PTPRT: variants seen among roughly 807,000 people sequenced by gnomAD.
PTPRT encodes receptor-type tyrosine-protein phosphatase T.
Under a neutral mutation model 176.8 loss-of-function variants are expected in PTPRT, and 56 were observed. The ratio of observed to expected loss-of-function variants is 0.32; its 90% CI spans 0.26 to 0.40. The LOEUF is 0.40. PTPRT is among the 10% of genes least tolerant of loss of function. PTPRT has a pLI of 1.00. For missense variants in PTPRT, 1,540 were observed against 1,908.2 expected, an observed-to-expected ratio of 0.81 and a Z score of 3.60; for synonymous variants, 783 against 739.0, an observed-to-expected ratio of 1.06 and a Z score of -0.96.
At chr20:42,249,148 G>T (rs2056507024) in intron 13 of PTPRT, among the ~76,000 whole-genome samples, 1 of 151,830 alleles carries the variant, frequency 6.6e-6, no homozygotes, top group African/African-American at 2.4e-5. Context: ...CTCTCATATT[G>T]CTTTGTCTCT....
chr20:42,379,561 C>T (rs776346670), intron 9 of PTPRT, among the ~76,000 whole-genome samples: 16 of 152,346 alleles, frequency 1.1e-4, no homozygotes, highest in Non-Finnish European at 1.5e-4. Flanking sequence ...TGGAGGGCAG[C>T]AGGAGCTCGG....
chr20:42,967,214 C>T (rs1982348079), intron 1 of PTPRT, among the ~76,000 whole-genome samples: 1 of 152,168 alleles, frequency 6.6e-6, no homozygotes, highest in Non-Finnish European at 1.5e-5. Context: ...GAAGATAAGT[C>T]CATCTCCTAA....
At chr20:43,163,499 G>A (rs570815586) in intron 1 of PTPRT, among the ~76,000 whole-genome samples, 12 of 152,190 alleles carry the variant, frequency 7.9e-5, no homozygotes, top group Middle Eastern at 3.4e-3. Flanking sequence ...TTAGCCAGGC[G>A]TGGTGGTGGG....
At chr20:42,488,819 C>G (rs1019210576) in intron 7 of PTPRT, among the ~76,000 whole-genome samples, 8 of 151,946 alleles carry the variant, frequency 5.3e-5, no homozygotes, top group Non-Finnish European at 5.9e-5. Context: ...ACAAAATTAG[C>G]CGGACATGGT....
chr20:42,166,391 G>T (rs1169629054), intron 16 of PTPRT, among the ~76,000 whole-genome samples: 1 of 152,094 alleles, frequency 6.6e-6, no homozygotes, highest in African/African-American at 2.4e-5. Flanking sequence ...CTGAGGAAAT[G>T]AATGTTTAAT....
At chr20:42,058,981 G>A in the PTPRT span, among the ~76,000 whole-genome samples, 71 of 152,270 alleles carry the variant, frequency 4.7e-4, no homozygotes, top group African/African-American at 1.7e-3. Context: ...AATCACCTGG[G>A]GAGGGGTTAA....
At chr20:42,196,967 C>T (rs1023242461) in intron 16 of PTPRT, among the ~76,000 whole-genome samples, 9 of 152,034 alleles carry the variant, frequency 5.9e-5, no homozygotes, top group South Asian at 2.1e-4. Flanking sequence ...AAGGGAAGTA[C>T]GTCATATCAG....
intron 1 of PTPRT, among the ~76,000 whole-genome samples, chr20:43,185,452 G>A (rs912911631): frequency 3.3e-5 from 5 of 152,198 alleles, no homozygotes; most frequent in Non-Finnish European, 5.9e-5. Flanking sequence ...GTTGTGTCCT[G>A]ACGCAATATG....
chr20:42,852,461 T>C (rs2078491322), intron 2 of PTPRT, among the ~76,000 whole-genome samples: 1 of 152,194 alleles, frequency 6.6e-6, no homozygotes, highest in South Asian at 2.1e-4. Flanking sequence ...GCTAATTTTT[T>C]TTTAGAAATT....
At chr20:42,571,156 G>C (rs771671088) in intron 7 of PTPRT, among the ~76,000 whole-genome samples, 1 of 152,190 alleles carries the variant, frequency 6.6e-6, no homozygotes, top group African/African-American at 2.4e-5. Flanking sequence ...AAAGTATTAC[G>C]CTTTGCATAA....
At chr20:43,047,812 C>A (rs184193001) in intron 1 of PTPRT, among the ~76,000 whole-genome samples, 1 of 152,154 alleles carries the variant, frequency 6.6e-6, no homozygotes, top group Admixed American at 6.5e-5. Flanking sequence ...CCCCACAGAA[C>A]TCCATAAAAT....
intron 7 of PTPRT, among the ~76,000 whole-genome samples, chr20:42,532,691 C>A (rs1475545248): frequency 6.6e-6 from 1 of 152,116 alleles, no homozygotes; most frequent in Non-Finnish European, 1.5e-5. Context: ...TAAAGAGGCC[C>A]TGAGGAAGTG....
At chr20:42,395,775 T>C (rs1322323471) in intron 9 of PTPRT, among the ~76,000 whole-genome samples, 1 of 152,128 alleles carries the variant, frequency 6.6e-6, no homozygotes, top group African/African-American at 2.4e-5. Flanking sequence ...CCTTCTCCTT[T>C]TGTTCTTTTT....
At chr20:42,501,111 C>T (rs1159002661) in intron 7 of PTPRT, among the ~76,000 whole-genome samples, 2 of 152,098 alleles carry the variant, frequency 1.3e-5, no homozygotes, top group African/African-American at 4.8e-5. Context: ...CGCCTTTCCC[C>T]GTCACTAACC....
chr20:42,405,438 C>A (rs572558201), intron 9 of PTPRT, among the ~76,000 whole-genome samples: 6 of 152,186 alleles, frequency 3.9e-5, no homozygotes, highest in Admixed American at 2.0e-4. Flanking sequence ...TGAGAACATG[C>A]AGTGTTTGGT....
the PTPRT span, among the ~76,000 whole-genome samples, chr20:42,032,035 C>T: frequency 6.6e-6 from 1 of 152,100 alleles, no homozygotes; most frequent in African/African-American, 2.4e-5. Flanking sequence ...TAGTAAATGG[C>T]AGACCTGGAA....
intron 1 of PTPRT, among the ~76,000 whole-genome samples, chr20:42,929,911 T>A (rs1979725476): frequency 6.6e-6 from 1 of 152,196 alleles, no homozygotes; most frequent in South Asian, 2.1e-4. Flanking sequence ...TCCTCCACTA[T>A]TGATTACTAA....
chr20:42,251,570 T>C (rs2056551546), intron 13 of PTPRT, among the ~76,000 whole-genome samples: 1 of 151,688 alleles, frequency 6.6e-6, no homozygotes, highest in Admixed American at 6.6e-5. Flanking sequence ...TTAAAAAAAA[T>C]GCATTGCTTC....
intron 11 of PTPRT, among the ~76,000 whole-genome samples, chr20:42,334,107 C>G (rs953979532): frequency 6.6e-6 from 1 of 152,112 alleles, no homozygotes; most frequent in Non-Finnish European, 1.5e-5. Flanking sequence ...AGATCAAGAA[C>G]CTGTGAATCA....
Sources: gnomAD v4.1 joint callset for allele counts (sites outside exome capture counted in the v4.1 genomes callset) on GRCh38, gnomAD v4.1.1 for gene constraint, MANE v1.5 for transcripts, NCBI Gene and HGNC (gene_info 2026-07-23, HGNC 2026-07-21) for gene names.